The following FTO variants were observed in gnomAD, a reference collection of about 807,000 sequenced individuals.
FTO encodes FTO alpha-ketoglutarate dependent dioxygenase, also known as alpha-ketoglutarate-dependent dioxygenase FTO.
A neutral mutation model predicts 63.9 loss-of-function variants in FTO; 47 were observed. The observed-to-expected ratio is 0.74, with a 90% CI of 0.58 to 0.94. FTO has a LOEUF of 0.94. Ranked by LOEUF, FTO falls within the 40% of genes least tolerant of loss-of-function variation. FTO has a pLI of 0.00. For synonymous variants in FTO, 207 were observed against 224.4 expected, an observed-to-expected ratio of 0.92 and a Z score of 0.69; for missense variants, 562 against 618.1, an observed-to-expected ratio of 0.91 and a Z score of 0.96.
intron 8 of FTO, among the ~76,000 whole-genome samples, chr16:54,089,818 G>A (rs1047556031): frequency 8.6e-5 from 13 of 150,668 alleles, no homozygotes; most frequent in Non-Finnish European, 1.6e-4. Flanking sequence ...AATGCAAATC[G>A]AAACCTCAAG....
At chr16:53,748,092 C>T (rs2076690897) in intron 1 of FTO, among the ~76,000 whole-genome samples, 1 of 152,010 alleles carries the variant, frequency 6.6e-6, no homozygotes, top group Admixed American at 6.6e-5. Context: ...TAGTGTGATG[C>T]CTCCAGCTTT....
intron 7 of FTO, among the ~76,000 whole-genome samples, chr16:53,921,560 G>A (rs2151955777): frequency 6.6e-6 from 1 of 152,298 alleles, no homozygotes; most frequent in East Asian, 1.9e-4. Context: ...GTGTGTTGTG[G>A]TGGGGTTGGG....
rs1442731079 is a variant in FTO at position 54,118,589 on chromosome 16, G to A, written c.*6674G>A. On this transcript the variant is annotated 3_prime_UTR_variant, in exon 9 of 9. Coordinates refer to ENST00000471389, the MANE Select transcript of FTO (RefSeq NM_001080432.3). ...GCTGGTTTCAAACTCCGAGGCTCAA[G>A]TGATCTGCCTGCATCGGCCTCCCAA... 6.6e-6 allele frequency: 1 copy of A among 152,168 alleles called. No individual in the cohort carries two copies. The highest frequency in any genetic ancestry group is 1.9e-4 in the East Asian group (1 of 5,174). 9.4% of individuals were successfully genotyped at this position (152,168 alleles called of 1,614,324 possible). A position where few individuals can be genotyped will look rare whatever the true frequency, so the allele number is the denominator to read the frequency against.
At chr16:53,954,711 C>A (rs1410615880) in intron 8 of FTO, among the ~76,000 whole-genome samples, 1 of 151,846 alleles carries the variant, frequency 6.6e-6, no homozygotes. Context: ...TCACCTTGGC[C>A]CCTCTTTAGC....
At chr16:53,947,439 G>A (rs997375192) in intron 8 of FTO, among the ~76,000 whole-genome samples, 1 of 152,158 alleles carries the variant, frequency 6.6e-6, no homozygotes, top group Admixed American at 6.5e-5. Flanking sequence ...CTAACTCTGG[G>A]CTTGGTTCAG....
chr16:54,054,166 G>T (rs1257512350), intron 8 of FTO, among the ~76,000 whole-genome samples: 1 of 152,036 alleles, frequency 6.6e-6, no homozygotes, highest in African/African-American at 2.4e-5. Flanking sequence ...ATTCCTTAGC[G>T]GCAACTCTGA....
At chr16:54,023,559 T>C (rs1446448903) in intron 8 of FTO, among the ~76,000 whole-genome samples, 1 of 152,210 alleles carries the variant, frequency 6.6e-6, no homozygotes, top group Non-Finnish European at 1.5e-5. Context: ...CCAGCCCAAC[T>C]TCATTTACCT....
chr16:53,936,973 G>A (rs2024470), intron 8 of FTO, among the ~76,000 whole-genome samples: 84,214 of 152,084 alleles, frequency 0.55, 23,619 homozygotes, highest in East Asian at 0.73. Context: ...TAACCTGGTT[G>A]TAAAATATTT....
intron 8 of FTO, among the ~76,000 whole-genome samples, chr16:53,961,235 G>A (rs533773456): frequency 6.6e-6 from 1 of 152,072 alleles, no homozygotes; most frequent in African/African-American, 2.4e-5. Context: ...ACAGCCCCCA[G>A]ATAGAGTTAT....
At chr16:53,866,967 TTTC>T (rs2151864759) in intron 4 of FTO, among the ~76,000 whole-genome samples, 1 of 152,254 alleles carries the variant, frequency 6.6e-6, no homozygotes, top group Non-Finnish European at 1.5e-5. Flanking sequence ...ATTTTAGATC[TTTC>T]TTCTTCTAAT....
intron 1 of FTO, among the ~76,000 whole-genome samples, chr16:53,767,313 A>G (rs1344621719): frequency 6.6e-6 from 1 of 152,128 alleles, no homozygotes; most frequent in Non-Finnish European, 1.5e-5. Context: ...TAATTTTGAC[A>G]CTGTTTAGAA....
rs955185861 is a variant in FTO at position 53,802,127 on chromosome 16, G to C, written c.46-8013G>C. 6.6e-5 allele frequency among the ~76,000 whole-genome samples: 10 copies of C among 152,150 alleles called. No individual in the cohort carries two copies. In the East Asian group the frequency reaches 9.7e-4, roughly 15 times the overall value. ...GTACCTTCATCTCTTGCTATCTGTG[G>C]GGGATTGGTTCCAGGACCCCTGCAA... On this transcript the variant is annotated intron_variant, in intron 1 of 8. Transcript: ENST00000471389.
At chr16:54,033,276 G>A (rs1010073877) in intron 8 of FTO, among the ~76,000 whole-genome samples, 1 of 152,116 alleles carries the variant, frequency 6.6e-6, no homozygotes. Flanking sequence ...TTCTTCAGTT[G>A]TGTGACTGAC....
At chr16:53,931,498 G>A (rs937149864) in intron 7 of FTO, among the ~76,000 whole-genome samples, 4 of 151,788 alleles carry the variant, frequency 2.6e-5, no homozygotes, top group African/African-American at 9.7e-5. Flanking sequence ...AGTAGAGACG[G>A]GGTTTCACCA....
At chr16:53,881,405 T>C (rs1245064796) in intron 6 of FTO, among the ~76,000 whole-genome samples, 2 of 152,182 alleles carry the variant, frequency 1.3e-5, no homozygotes, top group East Asian at 3.9e-4. Context: ...CCCTTTGTTC[T>C]AGAGGGAGAA....
chr16:53,783,648 C>T lies in FTO; in HGVS notation c.46-26492C>T, dbSNP rs928642202. On this transcript the variant is annotated intron_variant, in intron 1 of 8. Transcript: ENST00000471389. ...AAAAAGTAAAAGAAAATTAGCCGGGCGTGGTGGCACGTGCCTATAATCCCA... is the reference window on the plus strand; with the variant it reads ...AAAAAGTAAAAGAAAATTAGCCGGGTGTGGTGGCACGTGCCTATAATCCCA... Among the ~76,000 whole-genome samples, 7 of 144,696 alleles carry T rather than the reference C, an allele frequency of 4.8e-5. No homozygotes were observed. The East Asian group carries it at 1.2e-3, about 25-fold the overall frequency. The allele number at this position is 144,696 out of a possible 152,430, so 94.9% of individuals were successfully genotyped here. A position where few individuals can be genotyped will look rare whatever the true frequency, so the allele number is the denominator to read the frequency against.
chr16:54,000,716 C>T (rs375136112), intron 8 of FTO, among the ~76,000 whole-genome samples: 13 of 152,260 alleles, frequency 8.5e-5, no homozygotes, highest in East Asian at 7.7e-4. Flanking sequence ...AACACATGTC[C>T]ATCGGTATGT....
In FTO at chr16:53,754,944, AAGAC is replaced by A. The variant is rs111337417; in HGVS notation, c.45+50722_45+50725del. 9.5e-3 allele frequency among the ~76,000 whole-genome samples: 1,441 copies of A among 152,306 alleles called. 22 individuals carry two copies. The highest frequency in any genetic ancestry group is 0.041 in the East Asian group (211 of 5,176). On this transcript the variant is annotated intron_variant, in intron 1 of 8. Coordinates refer to ENST00000471389, the MANE Select transcript of FTO (RefSeq NM_001080432.3). The stretch of plus-strand genomic sequence containing the variant: ...CTTCCTTTTGATAACGGTATTAGAG[AAGAC>A]AGACAGTGCTAGGACAACTGTACAA...
chr16:53,842,526 GA>G (rs1199176704), intron 3 of FTO, among the ~76,000 whole-genome samples: 3 of 152,052 alleles, frequency 2.0e-5, no homozygotes, highest in Non-Finnish European at 2.9e-5. Context: ...TTGTACCCCA[GA>G]AAAACTAGTC....
Sources: gnomAD v4.1 joint callset for allele counts (sites outside exome capture counted in the v4.1 genomes callset) on GRCh38, gnomAD v4.1.1 for gene constraint, MANE v1.5 for transcripts, NCBI Gene and HGNC (gene_info 2026-07-23, HGNC 2026-07-21) for gene names.